Variants in PKNOX2 observed in about 807,000 individuals in gnomAD.
The protein encoded by PKNOX2 is PBX/knotted 1 homeobox 2, also known as homeobox protein PKNOX2.
In PKNOX2, 14 loss-of-function variants were observed where a neutral mutation model predicts 53.1. That is an observed-to-expected ratio of 0.26 (90% CI 0.17 to 0.41). The LOEUF (loss-of-function observed/expected upper bound fraction) is 0.41, where lower values mean the gene tolerates loss of function less well. PKNOX2 is among the 10% of genes least tolerant of loss of function. PKNOX2 has a pLI of 1.00. For synonymous variants in PKNOX2, 257 were observed against 242.8 expected (o/e 1.06, Z -0.54); for missense variants, 496 against 602.8 (o/e 0.82, Z 1.85).
intron 2 of PKNOX2, among the ~76,000 whole-genome samples, chr11:125,323,790 C>G (rs1386689220): frequency 6.6e-6 from 1 of 152,086 alleles, no homozygotes; most frequent in Non-Finnish European, 1.5e-5. Context: ...TGGCTGCTTA[C>G]TGTGTGTGGC....
chr11:125,260,052 G>GT (rs1287630186), intron 2 of PKNOX2, among the ~76,000 whole-genome samples: 1 of 150,758 alleles, frequency 6.6e-6, no homozygotes, highest in Admixed American at 6.6e-5. Context: ...TTGCTTGTTT[G>GT]TTTTTTGTAG....
intron 2 of PKNOX2, among the ~76,000 whole-genome samples, chr11:125,242,084 C>A (rs144054743): frequency 1.3e-5 from 2 of 152,270 alleles, no homozygotes; most frequent in African/African-American, 4.8e-5. Context: ...CCATTCATCA[C>A]CTTCATTTCA....
Position 125,409,298 on chromosome 11 carries a change from T to C in PKNOX2, c.589-898T>C, listed in dbSNP as rs140371589. Among the ~76,000 whole-genome samples, 1,454 of 152,208 alleles carry C rather than the reference T, an allele frequency of 9.6e-3. 18 individuals are homozygous for C. Among genetic ancestry groups the C allele is most frequent in the African/African-American group, 0.033 (1,382 of 41,534 alleles). On this transcript the variant is annotated intron_variant, in intron 7 of 12. Coordinates refer to ENST00000298282, the MANE Select transcript of PKNOX2 (RefSeq NM_001382323.2). ...TCTTTACCCAGCTGTTAACTAGGAATGGTGAGGAGAGCAGAGGGCCAGGAA... is the reference window on the plus strand; with the variant it reads ...TCTTTACCCAGCTGTTAACTAGGAACGGTGAGGAGAGCAGAGGGCCAGGAA...
chr11:125,277,280 G>C (rs1946234686), intron 2 of PKNOX2, among the ~76,000 whole-genome samples: 2 of 152,168 alleles, frequency 1.3e-5, no homozygotes, highest in Admixed American at 1.3e-4. Context: ...ATTGAAGCTA[G>C]GAAGGACAGC....
At chr11:125,408,489 G>C (rs1355022561) in intron 7 of PKNOX2, among the ~76,000 whole-genome samples, 1 of 152,236 alleles carries the variant, frequency 6.6e-6, no homozygotes, top group Non-Finnish European at 1.5e-5. Flanking sequence ...CACACCAGGA[G>C]GCCCGTGCGG....
intron 1 of PKNOX2, among the ~76,000 whole-genome samples, chr11:125,216,154 G>A (rs778870534): frequency 1.3e-4 from 20 of 152,306 alleles, no homozygotes; most frequent in Non-Finnish European, 2.2e-4. Context: ...GTCAGGTCCC[G>A]TGAGATTGTC....
intron 1 of PKNOX2, among the ~76,000 whole-genome samples, chr11:125,210,621 T>A (rs1939721473): frequency 6.6e-6 from 1 of 152,096 alleles, no homozygotes; most frequent in South Asian, 2.1e-4. Flanking sequence ...CTGCATTCAC[T>A]TAGGGAGGTC....
chr11:125,222,656 C>CGTATGTG (rs1463680095), intron 1 of PKNOX2, among the ~76,000 whole-genome samples: 1 of 128,170 alleles, frequency 7.8e-6, no homozygotes, highest in African/African-American at 3.6e-5. Context: ...TATGTGTGTG[C>CGTATGTG]TGTGTATGTG....
At position 125,282,390 on chromosome 11, in the gene PKNOX2, G is replaced by A. The variant is rs560476783; in HGVS notation, c.-130+47275G>A. 1.2e-4 allele frequency among the ~76,000 whole-genome samples: 19 copies of A among 152,270 alleles called. No individual in the cohort carries two copies. In the South Asian group the frequency reaches 3.7e-3, roughly 30 times the overall value. On this transcript the variant is annotated intron_variant, in intron 2 of 12. Transcript: ENST00000298282. Reference sequence around the variant, plus strand: ...AAGTGTTCACCACCAGGACTGGCACGTCCCAGTCTCTCAATCTGTGGTGTC... The same window carrying A: ...AAGTGTTCACCACCAGGACTGGCACATCCCAGTCTCTCAATCTGTGGTGTC...
intron 3 of PKNOX2, among the ~76,000 whole-genome samples, chr11:125,350,937 G>A (rs1379020372): frequency 6.6e-6 from 1 of 152,108 alleles, no homozygotes; most frequent in Non-Finnish European, 1.5e-5. Context: ...TATCCAAATG[G>A]CCTCCAGTCC....
chr11:125,304,439 GGCAGCCTGAGAAGGAGGGGA>G (rs1162655507), intron 2 of PKNOX2, among the ~76,000 whole-genome samples: 4 of 152,228 alleles, frequency 2.6e-5, no homozygotes, highest in Non-Finnish European at 4.4e-5. Flanking sequence ...GCCAGCGTGT[GGCAGCCTGAGAAGGAGGGGA>G]GCAGCCTGAG....
intron 2 of PKNOX2, among the ~76,000 whole-genome samples, chr11:125,272,853 C>T (rs61917766): frequency 0.015 from 2,237 of 152,296 alleles, 21 homozygotes; most frequent in Middle Eastern, 0.024. Context: ...ATTGACTTCT[C>T]CGCCTGCCTC....
intron 2 of PKNOX2, among the ~76,000 whole-genome samples, chr11:125,318,863 T>C (rs1949360919): frequency 6.6e-6 from 1 of 152,206 alleles, no homozygotes; most frequent in African/African-American, 2.4e-5. Context: ...TGATGGTTTA[T>C]AAGTGTCTGG....
At chr11:125,408,920 T>C (rs1235878188) in intron 7 of PKNOX2, among the ~76,000 whole-genome samples, 1 of 152,216 alleles carries the variant, frequency 6.6e-6, no homozygotes, top group Non-Finnish European at 1.5e-5. Flanking sequence ...GGCCTTCTTT[T>C]TTGCCCCATT....
intron 4 of PKNOX2, among the ~76,000 whole-genome samples, chr11:125,361,103 G>A (rs958607057): frequency 2.0e-5 from 3 of 152,218 alleles, no homozygotes; most frequent in Admixed American, 6.5e-5. Flanking sequence ...TAAAATGGTA[G>A]CATTCAATCA....
chr11:125,239,024 A>G (rs1319139959), intron 2 of PKNOX2, among the ~76,000 whole-genome samples: 6 of 152,206 alleles, frequency 3.9e-5, no homozygotes, highest in Admixed American at 3.9e-4. Flanking sequence ...GCAGGTACCT[A>G]GAGCCATTCT....
chr11:125,366,488 A>G (rs1952197833), intron 4 of PKNOX2, among the ~76,000 whole-genome samples: 3 of 152,354 alleles, frequency 2.0e-5, no homozygotes, highest in South Asian at 4.1e-4. Flanking sequence ...CTAGGAATAC[A>G]ACTGTTACAA....
At chr11:125,274,790 A>C (rs1229286791) in intron 2 of PKNOX2, among the ~76,000 whole-genome samples, 1 of 152,204 alleles carries the variant, frequency 6.6e-6, no homozygotes, top group East Asian at 1.9e-4. Flanking sequence ...AATAAATGGG[A>C]ACTCTTGCTG....
chr11:125,301,595 AAC>A (rs1948075143), intron 2 of PKNOX2, among the ~76,000 whole-genome samples: 2 of 152,108 alleles, frequency 1.3e-5, no homozygotes, highest in African/African-American at 4.8e-5. Flanking sequence ...AGAGCCAAGA[AAC>A]ACACGCAAGT....
Sources: allele counts gnomAD v4.1 joint callset (sites outside exome capture counted in the v4.1 genomes callset), GRCh38; gene constraint gnomAD v4.1.1; transcripts MANE v1.5; gene names NCBI Gene and HGNC (gene_info 2026-07-23, HGNC 2026-07-21).